Variants in ZNF425 observed in about 807,000 individuals in gnomAD.
ZNF425 encodes the protein zinc finger protein 425.
Under a neutral mutation model 17.0 loss-of-function variants are expected in ZNF425, and 21 were observed. The ratio of observed to expected loss-of-function variants is 1.23; its 90% CI spans 0.88 to 1.78. The LOEUF (loss-of-function observed/expected upper bound fraction) is 1.78, where lower values mean the gene tolerates loss of function less well. Ranked by LOEUF, ZNF425 falls within the 40% of genes most tolerant of loss-of-function variation. ZNF425 has a pLI of 0.00. For synonymous variants in ZNF425, 433 were observed against 384.1 expected (o/e 1.13, Z -1.49); for missense variants, 868 against 967.3 (o/e 0.90, Z 1.36).
intron 2 of ZNF425, among the ~76,000 whole-genome samples, chr7:149,113,707 AC>A (rs1826210624): frequency 6.6e-6 from 1 of 151,682 alleles, no homozygotes; most frequent in African/African-American, 2.4e-5. Context: ...GCCTGCCACC[AC>A]GCCCGGCTAA....
intron 3 of ZNF425, among the ~76,000 whole-genome samples, 171 bp from the exon 4 acceptor site, chr7:149,105,737 G>A (rs1478179851): frequency 5.9e-5 from 9 of 151,568 alleles, no homozygotes; most frequent in Admixed American, 5.3e-4. Flanking sequence ...TGCAAGCTCC[G>A]CCTCCCGGGT....
chr7:149,104,574 C>G lies in ZNF425; in HGVS notation c.1297G>C (p.Gly433Arg), dbSNP rs139811397. Residue 433 changes from glycine (G) to arginine (R), a missense_variant, in exon 4 of 4, where the codon GGG becomes CGG. By Grantham distance (125) the Gly-to-Arg change is moderately radical (BLOSUM62 -2). Transcript: ENST00000378061. The surrounding 1 kb of genome is among the most constrained non-coding windows in gnomAD (Gnocchi z 4.3). ...GGCCGCTTCCCAATGTGCTGCAGCC[C>G]GTGGGCTTTCAGGCTTCTCTTGAGG... Reference protein sequence around the residue: ...FRLKRSLKAHGLQHIGKRPFQ... With the variant: ...FRLKRSLKAHRLQHIGKRPFQ... The G allele has an allele frequency of 6.2e-7, 1 of 1,613,528 alleles. No homozygotes were observed. Among genetic ancestry groups the G allele is most frequent in the Non-Finnish European group, 8.5e-7 (1 of 1,179,894 alleles).
chr7:149,104,535 C>G lies in ZNF425; in HGVS notation c.1336G>C (p.Glu446Gln). The change falls in exon 4 of 4, where the codon GAG (glutamate) becomes CAG (glutamine). Residue 446 changes from glutamate (E) to glutamine (Q), a missense_variant. Coordinates refer to ENST00000378061, the MANE Select transcript of ZNF425 (RefSeq NM_001001661.3). This position sits in a 1 kb window ranked among gnomAD's most constrained non-coding sequence, Gnocchi z 4.3. ...HIGKRPFQCP[E>Q]CSRGFFWRNA... is the part of the protein sequence containing the mutation. The stretch of plus-strand genomic sequence containing the variant: ...CTCCAGAAGAAGCCCCTGCTGCACT[C>G]CGGGCACTGGAAGGGCCGCTTCCCA... 6.2e-7 allele frequency: 1 copy of G among 1,609,702 alleles called. No homozygotes were observed. The highest frequency in any genetic ancestry group is 1.7e-5 in the Admixed American group (1 of 59,414).
chr7:149,115,591 G>A (rs531837551), intron 2 of ZNF425, among the ~76,000 whole-genome samples: 1 of 151,858 alleles, frequency 6.6e-6, no homozygotes, highest in Admixed American at 6.6e-5. Flanking sequence ...TCAGGAGGCT[G>A]AGGCAGGAGA....
chr7:149,118,021 T>C (rs1826294397), intron 2 of ZNF425, among the ~76,000 whole-genome samples: 1 of 151,892 alleles, frequency 6.6e-6, no homozygotes, highest in African/African-American at 2.4e-5. Context: ...GAATTTAGAG[T>C]ATTAATAATA....
In ZNF425 at chr7:149,104,288, CAGG is replaced by C; in HGVS notation, c.1580_1582del (p.Ser527del). The C allele has an allele frequency of 6.2e-7, 1 of 1,613,724 alleles. No homozygotes were observed. Among genetic ancestry groups the C allele is most frequent in the Non-Finnish European group, 8.5e-7 (1 of 1,180,040 alleles). On this transcript the variant is annotated inframe_deletion, in exon 4 of 4. Transcript: ENST00000378061. The surrounding 1 kb of genome is among the most constrained non-coding windows in gnomAD (Gnocchi z 4.3). ...GCGGAAACTGCGGCCGCACTCGGCG[CAGG>C]AGAACGGCTTTTCCGTGGTGTGGAC...
In ZNF425 at chr7:149,103,963, C is replaced by G; in HGVS notation, c.1908G>C (p.Lys636Asn). 1 of 1,614,138 alleles carries G rather than the reference C, an allele frequency of 6.2e-7. No homozygotes were observed. Among genetic ancestry groups the G allele is most frequent in the Non-Finnish European group, 8.5e-7 (1 of 1,180,040 alleles). The change falls in exon 4 of 4, where the codon AAG becomes AAC. Residue 636 changes from lysine to asparagine, a missense_variant. This residue lies in a region of ZNF425 where 437 missense variants were observed against 444.2 expected (regional missense o/e 0.98). Coordinates refer to ENST00000378061, the MANE Select transcript of ZNF425 (RefSeq NM_001001661.3). Reference protein sequence around the residue: ...KSHLLQHSGQKPFSCVMCGKS... With the variant: ...KSHLLQHSGQNPFSCVMCGKS... ...TGCCGCACATCACACAAGAGAATGG[C>G]TTTTGGCCACTGTGCTGCAGCAGGT...
chr7:149,112,052 T>G, intron 3 of ZNF425, 85 bp downstream of exon 3: 2 of 1,400,176 alleles, frequency 1.4e-6, no homozygotes, highest in Middle Eastern at 3.7e-4. Flanking sequence ...ATTGACTAGA[T>G]CTAGTCAGAT....
chr7:149,104,765 C>G lies in ZNF425; in HGVS notation c.1106G>C (p.Arg369Pro). 6.2e-7 allele frequency: 1 copy of G among 1,613,078 alleles called. No individual in the cohort carries two copies. Reference sequence around the variant, plus strand: ...CTGGTGGGTCTTCAGGGCAGCCTTCCGGGAGAAGCTCCGGCCACACTCGGG... The same window carrying G: ...CTGGTGGGTCTTCAGGGCAGCCTTCGGGGAGAAGCTCCGGCCACACTCGGG... ...HCPECGRSFS[R>P]KAALKTHQRT... Residue 369 changes from arginine (R) to proline (P), a missense_variant, in exon 4 of 4, where the codon CGG becomes CCG. Arg to Pro is a moderately radical substitution (Grantham distance 103). Around this residue, in one of 5 missense-constraint regions of ZNF425, gnomAD observed 243 missense variants for 265.2 expected, o/e 0.92. Transcript: ENST00000378061. The surrounding 1 kb of genome is among the most constrained non-coding windows in gnomAD (Gnocchi z 4.3).
At chr7:149,115,091 C>T (rs1432596786) in intron 2 of ZNF425, among the ~76,000 whole-genome samples, 2 of 148,296 alleles carry the variant, frequency 1.3e-5, no homozygotes, top group African/African-American at 2.5e-5. Context: ...TGTGCCACCA[C>T]GCTGGCTAAT....
In ZNF425 at chr7:149,104,842, C is replaced by T. The variant is rs774324518; in HGVS notation, c.1029G>A (p.Arg343=). The T allele has an allele frequency of 6.2e-7, 1 of 1,613,606 alleles. No homozygotes were observed. Among genetic ancestry groups the T allele is most frequent in the Non-Finnish European group, 8.5e-7 (1 of 1,179,926 alleles). The stretch of plus-strand genomic sequence containing the variant: ...GCTGGGTCAGATGGACCTTCATGCC[C>T]CTCTTCAGGCGGAAGCACCGGTCAC... The part of the protein sequence containing the change: ...PQCDRCFRLK[R]GMKVHLTQHS... The change falls in exon 4 of 4, where the codon AGG becomes AGA. Residue 343 remains arginine (R), a synonymous_variant. Coordinates refer to ENST00000378061, the MANE Select transcript of ZNF425 (RefSeq NM_001001661.3). This position sits in a 1 kb window ranked among gnomAD's most constrained non-coding sequence, Gnocchi z 4.3.
chr7:149,121,897 A>G (rs997869397), intron 1 of ZNF425, among the ~76,000 whole-genome samples: 7 of 144,980 alleles, frequency 4.8e-5, no homozygotes, highest in Non-Finnish European at 7.5e-5. Context: ...GCAAAATGCC[A>G]CTTTATATAT....
chr7:149,106,516 A>G (rs1262917771), intron 3 of ZNF425, among the ~76,000 whole-genome samples: 2 of 152,026 alleles, frequency 1.3e-5, no homozygotes, highest in Non-Finnish European at 2.9e-5. Flanking sequence ...GATTACAGGC[A>G]TGAGCCACCG....
intron 2 of ZNF425, among the ~76,000 whole-genome samples, chr7:149,117,663 TTTTTTTTG>T: frequency 7.2e-6 from 1 of 139,134 alleles, no homozygotes; most frequent in Admixed American, 7.3e-5. Context: ...TTTTTTTTTT[TTTTTTTTG>T]AGATGGACTC....
At chr7:149,117,226 T>C (rs1433067270) in intron 2 of ZNF425, among the ~76,000 whole-genome samples, 1 of 149,926 alleles carries the variant, frequency 6.7e-6, no homozygotes, top group Non-Finnish European at 1.5e-5. Flanking sequence ...ATTACACCAC[T>C]GCACTCCAGT....
chr7:149,121,982 C>T (rs1181178900), intron 1 of ZNF425, among the ~76,000 whole-genome samples: 1 of 151,930 alleles, frequency 6.6e-6, no homozygotes, highest in Admixed American at 6.6e-5. Context: ...GTGGTGCAAT[C>T]GCGGCTCACT....
chr7:149,105,178 G>C lies in ZNF425; in HGVS notation c.693C>G (p.Ser231=), dbSNP rs766975172. The C allele has an allele frequency of 1.2e-5, 19 of 1,614,070 alleles. No individual in the cohort carries two copies. In the Admixed American group the frequency reaches 3.2e-4, roughly 27 times the overall value. ...PKYKNSSRGK[S]ELRRTQRLLC... is the part of the protein sequence containing the mutation. ...GGAGCCTCTGCGTCCGCCTGAGTTC[G>C]GACTTCCCTCTGGACGAGTTTTTGT... Residue 231 remains serine (S), a synonymous_variant, in exon 4 of 4, where the codon TCC becomes TCG. Coordinates refer to ENST00000378061, the MANE Select transcript of ZNF425 (RefSeq NM_001001661.3).
At chr7:149,117,279 T>C (rs1585489053) in intron 2 of ZNF425, among the ~76,000 whole-genome samples, 1 of 151,906 alleles carries the variant, frequency 6.6e-6, no homozygotes, top group South Asian at 2.1e-4. Context: ...GTTTTAATGA[T>C]ACAAGAATGT....
chr7:149,105,940 T>A (rs7798727), intron 3 of ZNF425, among the ~76,000 whole-genome samples: 108,683 of 145,784 alleles, frequency 0.75, 40,924 homozygotes, highest in East Asian at 0.94. Context: ...TGGCCTTTTT[T>A]AAAAAAAATT....
Sources: gnomAD v4.1 joint callset for allele counts (sites outside exome capture counted in the v4.1 genomes callset) on GRCh38, gnomAD v4.1.1 for gene constraint, gnomAD v4.1.1 regional missense constraint, Gnocchi (gnomAD v3.1) non-coding constraint, MANE v1.5 for transcripts, NCBI Gene and HGNC (gene_info 2026-07-23, HGNC 2026-07-21) for gene names.